The following MOSMO variants were observed in gnomAD, a reference collection of about 807,000 sequenced individuals.
MOSMO encodes modulator of smoothened protein.
Under a neutral mutation model 18.4 loss-of-function variants are expected in MOSMO, and 5 were observed. That is an observed-to-expected ratio of 0.27 (90% CI 0.14 to 0.57). The LOEUF (loss-of-function observed/expected upper bound fraction) is 0.57, where lower values mean the gene tolerates loss of function less well. MOSMO is among the 20% of genes least tolerant of loss of function. The pLI, the probability that MOSMO is intolerant of heterozygous loss-of-function variation, is 0.92. For missense variants in MOSMO, 138 were observed against 211.8 expected, an observed-to-expected ratio of 0.65 and a Z score of 2.16; for synonymous variants, 82 against 82.3, an observed-to-expected ratio of 1.00 and a Z score of 0.02.
At chr16:22,011,481 A>G (rs932369758) in intron 1 of MOSMO, among the ~76,000 whole-genome samples, 3 of 152,178 alleles carry the variant, frequency 2.0e-5, no homozygotes, top group Non-Finnish European at 4.4e-5. Flanking sequence ...ATAAAAACTA[A>G]TGGATTGTTC....
intron 1 of MOSMO, among the ~76,000 whole-genome samples, chr16:22,043,724 A>G (rs1900253219): frequency 6.6e-6 from 1 of 152,224 alleles, no homozygotes; most frequent in Admixed American, 6.5e-5. Flanking sequence ...ACAGAATCTG[A>G]TAAAGTCTAG....
intron 1 of MOSMO, among the ~76,000 whole-genome samples, chr16:22,014,505 T>A (rs528714848): frequency 3.1e-4 from 47 of 152,280 alleles, no homozygotes; most frequent in African/African-American, 1.1e-3. Context: ...GAAAATCTGG[T>A]AAACCTCAGA....
At chr16:22,008,554 G>C in intron 1 of MOSMO, 147 bp downstream of exon 1, 1 of 560,810 alleles carries the variant, frequency 1.8e-6, no homozygotes, top group Non-Finnish European at 3.1e-6. Context: ...GACCCGGGCC[G>C]CGGAGGAAAG....
intron 1 of MOSMO, among the ~76,000 whole-genome samples, chr16:22,008,891 G>C (rs953539044): frequency 2.0e-5 from 3 of 152,132 alleles, no homozygotes; most frequent in African/African-American, 7.2e-5. Context: ...TGGTGGGCGA[G>C]GGGAGGCCGA....
chr16:22,037,459 C>CAA (rs1372641216), intron 1 of MOSMO, among the ~76,000 whole-genome samples: 1 of 152,150 alleles, frequency 6.6e-6, no homozygotes, highest in Admixed American at 6.5e-5. Context: ...ACTCACCAAG[C>CAA]AATTCTACGG....
intron 1 of MOSMO, among the ~76,000 whole-genome samples, chr16:22,060,594 C>G (rs979659973): frequency 6.6e-6 from 1 of 152,018 alleles, no homozygotes; most frequent in African/African-American, 2.4e-5. Flanking sequence ...TACAGCTGGC[C>G]GGGCACGGTG....
chr16:22,020,982 T>C (rs988907088), intron 1 of MOSMO, among the ~76,000 whole-genome samples: 10 of 151,936 alleles, frequency 6.6e-5, no homozygotes, highest in Admixed American at 6.6e-4. Context: ...TAACCTGTGG[T>C]AGAGTTAACT....
Position 22,083,339 on chromosome 16 carries a change from G to T in MOSMO, c.*2459G>T. 1 of 159,416 alleles carries T rather than the reference G, an allele frequency of 6.3e-6. No homozygotes were observed. Among genetic ancestry groups the T allele is most frequent in the Non-Finnish European group, 1.4e-5 (1 of 73,032 alleles). 9.9% of individuals were successfully genotyped at this position (159,416 alleles called of 1,614,324 possible). A position where few individuals can be genotyped will look rare whatever the true frequency, so the allele number is the denominator to read the frequency against. On this transcript the variant is annotated 3_prime_UTR_variant, in exon 3 of 3. Coordinates refer to ENST00000542527, the MANE Select transcript of MOSMO (RefSeq NM_001164579.2). ...CTTTAATTTCATTGTTGTCTTGGAGGTCCAGTGCATACAGGGCTGATGGGG... is the reference window on the plus strand; with the variant it reads ...CTTTAATTTCATTGTTGTCTTGGAGTTCCAGTGCATACAGGGCTGATGGGG...
Position 22,075,571 on chromosome 16 carries a change from A to C in MOSMO, c.191A>C (p.Glu64Ala). The change falls in exon 2 of 3, where the codon GAG (glutamate) becomes GCG (alanine). Residue 64 changes from glutamate to alanine, a missense_variant. Transcript: ENST00000542527. ...TGCATCCCTCCCCGGCTTCCCCCGG[A>C]GTGGGTCACCACACTGTTTTTTATC... The part of the protein sequence containing the change: ...RTCIPPRLPP[E>A]WVTTLFFIIM... The C allele has an allele frequency of 6.5e-7, 1 of 1,537,268 alleles. No individual in the cohort carries two copies. Among genetic ancestry groups the C allele is most frequent in the Non-Finnish European group, 8.7e-7 (1 of 1,146,902 alleles).
chr16:22,081,064 T>TAAAA lies in MOSMO; in HGVS notation c.*198_*201dup, dbSNP rs199921661. ...TTGTTCTCACTATGCACTTTGGATT[T>TAAAA]AAAAAAAAAAAAAAAAAGGAGAGCC... On this transcript the variant is annotated 3_prime_UTR_variant, in exon 3 of 3. Transcript: ENST00000542527. 9 of 177,316 alleles carry TAAAA rather than the reference T, an allele frequency of 5.1e-5. No homozygotes were observed. The highest frequency in any genetic ancestry group is 2.1e-4 in the South Asian group (1 of 4,804). The allele number at this position is 177,316 out of a possible 1,614,324, so 11.0% of individuals were successfully genotyped here.
In MOSMO at chr16:22,060,293, G is replaced by C. The variant is rs544979065; in HGVS notation, c.107-15194G>C. On this transcript the variant is annotated intron_variant, in intron 1 of 2. Transcript: ENST00000542527. The stretch of plus-strand genomic sequence containing the variant: ...AATATTGGTAAAACACATGTCAGAA[G>C]ATGGACTTGTATTCAGAATATTTGG... 5.3e-5 allele frequency among the ~76,000 whole-genome samples: 8 copies of C among 152,330 alleles called. No homozygotes were observed. In the South Asian group the frequency reaches 6.2e-4, roughly 12 times the overall value.
chr16:22,070,083 T>C (rs1900818976), intron 1 of MOSMO, among the ~76,000 whole-genome samples: 1 of 152,020 alleles, frequency 6.6e-6, no homozygotes, highest in Non-Finnish European at 1.5e-5. Flanking sequence ...ATTTGCTGTC[T>C]GATGGCCTCT....
At chr16:22,090,986 CAAAG>C (rs1386230206), downstream of MOSMO, among the ~76,000 whole-genome samples, 2 of 151,878 alleles carry the variant, frequency 1.3e-5, no homozygotes, top group African/African-American at 2.4e-5. Context: ...ATGCAGGAAG[CAAAG>C]AAAGGTGTGA....
chr16:22,016,071 A>G (rs1228344575), intron 1 of MOSMO, among the ~76,000 whole-genome samples: 2 of 152,210 alleles, frequency 1.3e-5, no homozygotes, highest in Middle Eastern at 6.3e-3. Context: ...GACCAAAAAC[A>G]TCATTGTTTA....
chr16:22,064,533 A>AT (rs1900713073), intron 1 of MOSMO: 2 of 427,302 alleles, frequency 4.7e-6, no homozygotes, highest in Non-Finnish European at 9.7e-6. Flanking sequence ...TTTAAATTCC[A>AT]TTTTAACCTT....
chr16:22,041,363 T>C (rs1326457821), intron 1 of MOSMO, among the ~76,000 whole-genome samples: 2 of 152,204 alleles, frequency 1.3e-5, no homozygotes, highest in Admixed American at 6.5e-5. Flanking sequence ...CAATTTTTAA[T>C]ATGCACAAGA....
downstream of MOSMO, among the ~76,000 whole-genome samples, chr16:22,089,750 G>C (rs1416752735): frequency 1.3e-5 from 2 of 151,894 alleles, no homozygotes; most frequent in African/African-American, 4.8e-5. Context: ...ACAAACTTTG[G>C]TGAGCTAGGA....
At chr16:22,011,425 G>A (rs1899525299) in intron 1 of MOSMO, among the ~76,000 whole-genome samples, 1 of 152,216 alleles carries the variant, frequency 6.6e-6, no homozygotes, top group Non-Finnish European at 1.5e-5. Context: ...CCAAAGTATT[G>A]TAATGATGGC....
intron 1 of MOSMO, among the ~76,000 whole-genome samples, chr16:22,067,201 A>C (rs1413139408): frequency 1.3e-5 from 2 of 152,224 alleles, no homozygotes; most frequent in South Asian, 2.1e-4. Flanking sequence ...AGAAATAATG[A>C]AAAGTGAAGA....
Sources: allele counts gnomAD v4.1 joint callset (sites outside exome capture counted in the v4.1 genomes callset), GRCh38; gene constraint gnomAD v4.1.1; transcripts MANE v1.5; gene names NCBI Gene and HGNC (gene_info 2026-07-23, HGNC 2026-07-21).